The following TCEA3 variants were observed in gnomAD, a reference collection of about 807,000 sequenced individuals.
TCEA3 encodes transcription elongation factor A protein 3.
Under a neutral mutation model 44.0 loss-of-function variants are expected in TCEA3, and 36 were observed. The ratio of observed to expected loss-of-function variants is 0.82; its 90% confidence interval spans 0.63 to 1.08. TCEA3 has a LOEUF of 1.08. Ranked by LOEUF, TCEA3 falls within the 50% of genes least tolerant of loss-of-function variation. The pLI is 0.00. For synonymous variants in TCEA3, 162 were observed against 159.7 expected (o/e 1.01, Z -0.11); for missense variants, 392 against 441.2 (o/e 0.89, Z 1.00).
chr1:23,413,207 G>A (rs1255803255), intron 4 of TCEA3, among the ~76,000 whole-genome samples: 2 of 151,910 alleles, frequency 1.3e-5, no homozygotes, highest in Non-Finnish European at 2.9e-5. Context: ...TGCGATCTCG[G>A]CTCACTGCAA....
At chr1:23,395,464 G>T (rs749207161) in intron 7 of TCEA3, among the ~76,000 whole-genome samples, 2 of 152,214 alleles carry the variant, frequency 1.3e-5, no homozygotes, top group African/African-American at 2.4e-5. Flanking sequence ...CCCTCCCCCT[G>T]ACCTCCAGCT....
At chr1:23,416,866 G>A (rs146239879) in intron 4 of TCEA3, among the ~76,000 whole-genome samples, 130 of 152,284 alleles carry the variant, frequency 8.5e-4, no homozygotes, top group African/African-American at 3.0e-3. Flanking sequence ...TACAAGATTC[G>A]GGATGTGAGG....
intron 7 of TCEA3, among the ~76,000 whole-genome samples, chr1:23,395,549 G>A (rs528511217): frequency 6.6e-6 from 1 of 152,340 alleles, no homozygotes; most frequent in South Asian, 2.1e-4. Context: ...ATTCAGGCTG[G>A]GGGTGGTGGC....
intron 1 of TCEA3, chr1:23,423,877 C>T (rs1401330634): frequency 1.1e-5 from 5 of 455,908 alleles, no homozygotes; most frequent in African/African-American, 2.0e-5. Context: ...GAGCCCGCTC[C>T]TCCCTCCGCC....
intron 7 of TCEA3, among the ~76,000 whole-genome samples, chr1:23,394,859 TCATCCCTGG>T (rs1639170214): frequency 1.3e-5 from 2 of 152,210 alleles, no homozygotes; most frequent in Non-Finnish European, 2.9e-5. Flanking sequence ...CGGCAGGAAG[TCATCCCTGG>T]CCACCAACCA....
intron 7 of TCEA3, among the ~76,000 whole-genome samples, chr1:23,397,005 CAAAAAAAAAAAAA>C (rs34931042): frequency 7.3e-5 from 5 of 68,388 alleles, no homozygotes; most frequent in African/African-American, 2.0e-4. Context: ...AACTCCGTCT[CAAAAAAAAAAAAA>C]AAAAAAAAAG....
chr1:23,408,575 C>T, intron 5 of TCEA3, 89 bp downstream of exon 5: 1 of 1,353,362 alleles, frequency 7.4e-7, no homozygotes, highest in Admixed American at 2.2e-5. Context: ...TCCCTCCTTT[C>T]CTCTGCCTTG....
chr1:23,421,375 T>A (rs1409083547), intron 1 of TCEA3, among the ~76,000 whole-genome samples: 1 of 152,222 alleles, frequency 6.6e-6, no homozygotes, highest in African/African-American at 2.4e-5. Flanking sequence ...TCAGTCCTTT[T>A]GGGCTCTAAC....
intron 5 of TCEA3, among the ~76,000 whole-genome samples, chr1:23,401,249 T>C (rs915263869): frequency 3.9e-5 from 6 of 152,216 alleles, no homozygotes; most frequent in African/African-American, 1.4e-4. Flanking sequence ...AGTGCCTCCA[T>C]GCATACCGGT....
Position 23,381,490 on chromosome 1 carries a change from G to A in TCEA3, c.1039-16C>T. The A allele has an allele frequency of 1.3e-6, 1 of 780,832 alleles. No individual in the cohort carries two copies. Among genetic ancestry groups the A allele is most frequent in the Non-Finnish European group, 2.4e-6 (1 of 417,978 alleles). The allele number at this position is 780,832 out of a possible 1,614,324, so 48.4% of individuals were successfully genotyped here. On this transcript the variant is annotated splice_polypyrimidine_tract_variant and intron_variant, in intron 10 of 10. Transcript: ENST00000450454. Reference sequence around the variant, plus strand: ...ATCAGCAGAACTACAAAACCAGAAAGGCAACAAAATTTGAAAGGTTTCTCG... The same window carrying A: ...ATCAGCAGAACTACAAAACCAGAAAAGCAACAAAATTTGAAAGGTTTCTCG...
intron 10 of TCEA3, 161 bp downstream of exon 10, chr1:23,384,185 C>T: frequency 6.8e-7 from 1 of 1,477,512 alleles, no homozygotes; most frequent in African/African-American, 1.4e-5. Flanking sequence ...CCCACCTCCC[C>T]AACAGCAATC....
At chr1:23,420,572 G>T (rs1456099118) in intron 1 of TCEA3, among the ~76,000 whole-genome samples, 1 of 152,162 alleles carries the variant, frequency 6.6e-6, no homozygotes, top group African/African-American at 2.4e-5. Flanking sequence ...TCATTCACCG[G>T]TTGATGGGAC....
intron 7 of TCEA3, among the ~76,000 whole-genome samples, chr1:23,395,563 C>A (rs1029758611): frequency 1.8e-4 from 28 of 152,280 alleles, no homozygotes; most frequent in Admixed American, 1.5e-3. Flanking sequence ...TGGTGGCTCA[C>A]GCCTGTAATC....
intron 5 of TCEA3, among the ~76,000 whole-genome samples, chr1:23,406,360 C>A (rs1221398204): frequency 6.6e-6 from 1 of 152,204 alleles, no homozygotes; most frequent in African/African-American, 2.4e-5. Context: ...CTCACACCTA[C>A]TCTCCCAGAG....
At chr1:23,387,643 G>A (rs1638890785) in intron 8 of TCEA3, among the ~76,000 whole-genome samples, 2 of 152,216 alleles carry the variant, frequency 1.3e-5, no homozygotes, top group Non-Finnish European at 2.9e-5. Context: ...ACATTCAGGT[G>A]AGCAGCAGGC....
At chr1:23,382,124 G>A (rs916311222) in intron 10 of TCEA3, among the ~76,000 whole-genome samples, 8 of 149,000 alleles carry the variant, frequency 5.4e-5, no homozygotes, top group African/African-American at 1.2e-4. Context: ...TTGGCTCACC[G>A]CAATCTCCGC....
intron 1 of TCEA3, 180 bp from the exon 2 acceptor site, chr1:23,419,319 C>T (rs1187635431): frequency 2.4e-6 from 1 of 408,854 alleles, no homozygotes; most frequent in Non-Finnish European, 4.3e-6. Flanking sequence ...GCTCTAACTT[C>T]ATCCCCCGCC....
At chr1:23,399,675 T>C (rs2148561811) in intron 5 of TCEA3, among the ~76,000 whole-genome samples, 1 of 151,954 alleles carries the variant, frequency 6.6e-6, no homozygotes, top group East Asian at 1.9e-4. Flanking sequence ...AAACCTTTTT[T>C]TTTTTTTTTT....
chr1:23,403,781 C>T, intron 5 of TCEA3: 1 of 326,008 alleles, frequency 3.1e-6, no homozygotes, highest in Non-Finnish European at 5.8e-6. Flanking sequence ...AGTCCTCCTA[C>T]CTGAGCAAGA....
Sources: allele counts gnomAD v4.1 joint callset (sites outside exome capture counted in the v4.1 genomes callset), GRCh38; gene constraint gnomAD v4.1.1; transcripts MANE v1.5; gene names NCBI Gene and HGNC (gene_info 2026-07-23, HGNC 2026-07-21).